Variants in KLHL6 observed in about 807,000 individuals in gnomAD.
KLHL6 encodes the protein kelch like family member 6.
Under a neutral mutation model 58.6 loss-of-function variants are expected in KLHL6, and 41 were observed. The observed-to-expected ratio is 0.70, with a 90% confidence interval of 0.55 to 0.91. The LOEUF is 0.91. Ranked by LOEUF, KLHL6 falls within the 40% of genes least tolerant of loss-of-function variation. KLHL6 has a pLI of 0.00. For missense variants in KLHL6, 714 were observed against 805.6 expected, an observed-to-expected ratio of 0.89 and a Z score of 1.38; for synonymous variants, 338 against 322.7, an observed-to-expected ratio of 1.05 and a Z score of -0.51.
chr3:183,521,127 AAC>A (rs1358323408), intron 2 of KLHL6: 3 of 152,510 alleles, frequency 2.0e-5, no homozygotes, highest in Non-Finnish European at 2.9e-5. Context: ...ACTGCCTGCA[AAC>A]ACATTTTTAA....
intron 3 of KLHL6, among the ~76,000 whole-genome samples, chr3:183,505,700 A>T (rs1717982190): frequency 6.6e-6 from 1 of 152,142 alleles, no homozygotes; most frequent in Admixed American, 6.5e-5. Flanking sequence ...GGAATGAGAG[A>T]TGTGACAACA....
intron 2 of KLHL6, among the ~76,000 whole-genome samples, chr3:183,525,830 G>T (rs1301935210): frequency 6.6e-6 from 1 of 152,210 alleles, no homozygotes; most frequent in Non-Finnish European, 1.5e-5. Flanking sequence ...TGCGAAACAG[G>T]ATGTATAGTG....
intron 2 of KLHL6, among the ~76,000 whole-genome samples, chr3:183,511,662 G>A (rs1235385275): frequency 6.6e-6 from 1 of 152,204 alleles, no homozygotes; most frequent in East Asian, 1.9e-4. Context: ...TGAGACTGGA[G>A]AATGGCAATG....
Position 183,494,105 on chromosome 3 carries a change from C to T in KLHL6, c.1324G>A (p.Asp442Asn), listed in dbSNP as rs1553807016. 5 of 1,614,004 alleles carry T rather than the reference C, an allele frequency of 3.1e-6. No homozygotes were observed. In the South Asian group the frequency reaches 4.4e-5, roughly 14 times the overall value. Residue 442 changes from aspartate to asparagine, a missense_variant, in exon 5 of 7, where the codon GAC becomes AAC. Asp to Asn is a conservative substitution (Grantham distance 23). This residue lies in a region of KLHL6 where 510 missense variants were observed against 629.7 expected (regional missense o/e 0.81). Coordinates refer to ENST00000341319, the MANE Select transcript of KLHL6 (RefSeq NM_130446.4). ...LQRINNVETY[D>N]PFHNCWSEAA... is the part of the protein sequence containing the mutation. ...TCTGACCAGCAGTTGTGAAAGGGGT[C>T]GTAGGTCTCCACATTGTTGATTCTC...
chr3:183,541,200 C>CA (rs1301737581), intron 1 of KLHL6, among the ~76,000 whole-genome samples: 3 of 152,224 alleles, frequency 2.0e-5, no homozygotes, highest in Admixed American at 2.0e-4. Flanking sequence ...TCCCTTGTGA[C>CA]AGGCAAAGAT....
At chr3:183,494,375 C>T in intron 4 of KLHL6, 94 bp from the exon 5 acceptor site, 1 of 1,008,670 alleles carries the variant, frequency 9.9e-7, no homozygotes. Context: ...TGCCAGGTCC[C>T]CAGGCCAGCC....
At chr3:183,550,258 G>A (rs146369822) in intron 1 of KLHL6, among the ~76,000 whole-genome samples, 17 of 152,236 alleles carry the variant, frequency 1.1e-4, no homozygotes, top group African/African-American at 3.6e-4. Context: ...TGTTCTAGAA[G>A]TCCACATCTA....
intron 1 of KLHL6, among the ~76,000 whole-genome samples, chr3:183,531,897 C>T (rs183097028): frequency 2.9e-4 from 44 of 152,256 alleles, no homozygotes; most frequent in African/African-American, 9.9e-4. Context: ...AAAGTCTCAC[C>T]CATATGTGAT....
chr3:183,496,175 GC>G (rs1353874938), intron 4 of KLHL6, among the ~76,000 whole-genome samples: 4 of 152,128 alleles, frequency 2.6e-5, no homozygotes, highest in African/African-American at 9.6e-5. Context: ...AACACAAATA[GC>G]AAAGGATATA....
chr3:183,551,122 GAAAA>G (rs35352469), intron 1 of KLHL6, among the ~76,000 whole-genome samples: 1,826 of 131,654 alleles, frequency 0.014, 32 homozygotes, highest in African/African-American at 0.05. Context: ...CTCTGTCTCA[GAAAA>G]AAAAAAAAAA....
chr3:183,494,031 A>C, intron 5 of KLHL6, 48 bp downstream of exon 5: 2 of 1,529,416 alleles, frequency 1.3e-6, no homozygotes, highest in Non-Finnish European at 1.8e-6. Flanking sequence ...TTAAAAAAGC[A>C]CTGAAGTAAT....
At position 183,499,844 on chromosome 3, in the gene KLHL6, G is replaced by A. The variant is rs1315414228; in HGVS notation, c.910-17C>T. On this transcript the variant is annotated splice_polypyrimidine_tract_variant and intron_variant, in intron 3 of 6. Transcript: ENST00000341319. The surrounding 1 kb of genome is among the most constrained non-coding windows in gnomAD (Gnocchi z 4.6). ...CGAAATGATCTGGAAATCGATGGGG[G>A]TACATGAAGGCAGGGACAACACAAA... is the stretch of plus-strand genomic sequence containing the variant. 6.5e-7 allele frequency: 1 copy of A among 1,546,796 alleles called. No homozygotes were observed. Among genetic ancestry groups the A allele is most frequent in the Admixed American group, 1.9e-5 (1 of 52,882 alleles).
intron 4 of KLHL6, among the ~76,000 whole-genome samples, chr3:183,497,713 G>C (rs1264693494): frequency 6.6e-6 from 1 of 152,132 alleles, no homozygotes; most frequent in Admixed American, 6.5e-5. Context: ...GTCAGAAGAT[G>C]GCAGGCCCCT....
chr3:183,554,997 T>C (rs1325195674), intron 1 of KLHL6, among the ~76,000 whole-genome samples: 1 of 152,094 alleles, frequency 6.6e-6, no homozygotes, highest in Non-Finnish European at 1.5e-5. Context: ...AAACCCCATC[T>C]CTATTGAAAA....
rs1717542165 is a variant in KLHL6, at chr3:183,491,200, C to T, written c.*727G>A. ...TCTCGGCTCACTGCAACCTCCACCT[C>T]CCAAGTTCAAGTGATCCTCCTGCCT... On this transcript the variant is annotated 3_prime_UTR_variant, in exon 7 of 7. Transcript: ENST00000341319. 1 of 151,650 alleles carries T rather than the reference C, an allele frequency of 6.6e-6. No individual in the cohort carries two copies. Among genetic ancestry groups the T allele is most frequent in the Non-Finnish European group, 1.5e-5 (1 of 67,900 alleles). The allele number at this position is 151,650 out of a possible 1,614,324, so 9.4% of individuals were successfully genotyped here. A position where few individuals can be genotyped will look rare whatever the true frequency, so the allele number is the denominator to read the frequency against.
chr3:183,537,501 A>C (rs1447022740), intron 1 of KLHL6, among the ~76,000 whole-genome samples: 1 of 152,208 alleles, frequency 6.6e-6, no homozygotes, highest in African/African-American at 2.4e-5. Flanking sequence ...GTAGCTAGGA[A>C]GATCCTCATT....
In KLHL6 at chr3:183,527,841, A is replaced by G. The variant is rs1301997184; in HGVS notation, c.459+4T>C. Reference sequence around the variant, plus strand: ...AAGAGCACTGAGCCAGTTTGTTCACACACCTGGAAGAGGTTAGCAGCCTCC... The same window carrying G: ...AAGAGCACTGAGCCAGTTTGTTCACGCACCTGGAAGAGGTTAGCAGCCTCC... On this transcript the variant is annotated splice_donor_region_variant and intron_variant, in intron 2 of 6. Transcript: ENST00000341319. 3.1e-6 allele frequency: 5 copies of G among 1,613,634 alleles called. No individual in the cohort carries two copies. Among genetic ancestry groups the G allele is most frequent in the Non-Finnish European group, 4.2e-6 (5 of 1,179,842 alleles).
intron 1 of KLHL6, among the ~76,000 whole-genome samples, chr3:183,529,265 A>T (rs759429528): frequency 2.0e-5 from 3 of 152,182 alleles, no homozygotes; most frequent in Admixed American, 2.0e-4. Context: ...GTTTACCTAT[A>T]TAACAAACCT....
chr3:183,527,109 C>A (rs1314368065), intron 2 of KLHL6, among the ~76,000 whole-genome samples: 28 of 146,806 alleles, frequency 1.9e-4, no homozygotes, highest in African/African-American at 2.0e-4. Flanking sequence ...AAAAAAAAAA[C>A]AAAAACAAAA....
Sources: allele counts gnomAD v4.1 joint callset (sites outside exome capture counted in the v4.1 genomes callset), GRCh38; gene constraint gnomAD v4.1.1; regional missense constraint gnomAD v4.1.1; non-coding constraint Gnocchi (gnomAD v3.1); transcripts MANE v1.5; gene names NCBI Gene and HGNC (gene_info 2026-07-23, HGNC 2026-07-21).